The following ZBTB10 variants were observed in gnomAD, a reference collection of about 807,000 sequenced individuals.
ZBTB10 encodes zinc finger and BTB domain-containing protein 10.
A neutral mutation model predicts 76.4 loss-of-function variants in ZBTB10; 32 were observed. That is an observed-to-expected ratio of 0.42 (90% CI 0.32 to 0.56). The LOEUF is 0.56. Among genes scored for constraint, ZBTB10 ranks in the 20% least tolerant of loss-of-function variants. The pLI is 0.14. For missense variants in ZBTB10, 1,057 were observed against 1,098.5 expected, an observed-to-expected ratio of 0.96 and a Z score of 0.53; for synonymous variants, 523 against 432.9, an observed-to-expected ratio of 1.21 and a Z score of -2.58.
chr8:80,504,528 T>C (rs1474549020), intron 2 of ZBTB10, among the ~76,000 whole-genome samples: 1 of 152,154 alleles, frequency 6.6e-6, no homozygotes, highest in African/African-American at 2.4e-5. Context: ...AATTAACATA[T>C]TTGTTGTTTG....
chr8:80,506,961 T>C lies in ZBTB10; in HGVS notation c.1861+6579T>C, dbSNP rs1156906080. ...GTTCTAATAATTAGGGGGAGGGTGC[T>C]GAAGGCCAGATGCTTACTTATGTAT... On this transcript the variant is annotated intron_variant, in intron 2 of 5. Coordinates refer to ENST00000455036, the MANE Select transcript of ZBTB10 (RefSeq NM_001105539.3). 2.6e-5 allele frequency among the ~76,000 whole-genome samples: 4 copies of C among 152,124 alleles called. No homozygotes were observed. The South Asian group carries it at 6.2e-4, about 24-fold the overall frequency.
chr8:80,486,082 G>T, upstream of ZBTB10: 1 of 885,800 alleles, frequency 1.1e-6, no homozygotes, highest in African/African-American at 2.2e-5. Flanking sequence ...GCGCAGCCCA[G>T]CCCCTTTCCC....
chr8:80,487,901 A>G, intron 1 of ZBTB10, 119 bp downstream of exon 1: 3 of 1,195,032 alleles, frequency 2.5e-6, no homozygotes, highest in Middle Eastern at 2.8e-4. Context: ...GGGTGAAGAC[A>G]TCGTTCCAGT....
intron 3 of ZBTB10, among the ~76,000 whole-genome samples, chr8:80,516,960 T>C (rs1816338788): frequency 6.6e-6 from 1 of 152,204 alleles, no homozygotes. Context: ...AGGAGTGTTT[T>C]AGGCAGAGGA....
In ZBTB10 at chr8:80,486,297, T is replaced by C; in HGVS notation, c.-514T>C. Reference sequence around the variant, plus strand: ...CGCCGGCTTTATTGTCGCTTCGTTATGTGGCGGAGCCGAGCAGTTTAGCGT... The same window carrying C: ...CGCCGGCTTTATTGTCGCTTCGTTACGTGGCGGAGCCGAGCAGTTTAGCGT... On this transcript the variant is annotated 5_prime_UTR_variant, in exon 1 of 6. The change abolishes an upstream ATG in the 5' untranslated region. Transcript: ENST00000455036. 1 of 1,011,790 alleles carries C rather than the reference T, an allele frequency of 9.9e-7. No homozygotes were observed. The highest frequency in any genetic ancestry group is 1.2e-6 in the Non-Finnish European group (1 of 848,310). The allele number at this position is 1,011,790 out of a possible 1,614,324, so 62.7% of individuals were successfully genotyped here.
chr8:80,512,319 A>G (rs539498711), intron 2 of ZBTB10, among the ~76,000 whole-genome samples: 2 of 152,336 alleles, frequency 1.3e-5, no homozygotes, highest in African/African-American at 4.8e-5. Context: ...CTGTATCACA[A>G]GACTCCTTAG....
rs1816478997 is a variant in ZBTB10 at position 80,522,960 on chromosome 8, T to G, written c.*3432T>G. 1 of 151,936 alleles carries G rather than the reference T, an allele frequency of 6.6e-6. No individual in the cohort carries two copies. Among genetic ancestry groups the G allele is most frequent in the South Asian group, 2.1e-4 (1 of 4,826 alleles). 9.4% of individuals were successfully genotyped at this position (151,936 alleles called of 1,614,324 possible). A position where few individuals can be genotyped will look rare whatever the true frequency, so the allele number is the denominator to read the frequency against. On this transcript the variant is annotated 3_prime_UTR_variant, in exon 6 of 6. Coordinates refer to ENST00000455036, the MANE Select transcript of ZBTB10 (RefSeq NM_001105539.3). Reference sequence around the variant, plus strand: ...AAAACTTTAGTAAGCTTTATTTATATTTTTTAGGATTTTCTGAACATAGCA... The same window carrying G: ...AAAACTTTAGTAAGCTTTATTTATAGTTTTTAGGATTTTCTGAACATAGCA...
chr8:80,513,370 T>TG (rs1816246899), intron 2 of ZBTB10, among the ~76,000 whole-genome samples: 1 of 152,180 alleles, frequency 6.6e-6, no homozygotes, highest in South Asian at 2.1e-4. Context: ...CTCAAACTCC[T>TG]GGCCTCAAGT....
chr8:80,487,803 A>G (rs776592725), intron 1 of ZBTB10, 21 bp downstream of exon 1: 2 of 1,527,550 alleles, frequency 1.3e-6, no homozygotes, highest in South Asian at 2.6e-5. Context: ...TCCTGCTCCT[A>G]CTTTTTTGAG....
chr8:80,513,022 T>A (rs1251196648), intron 2 of ZBTB10, among the ~76,000 whole-genome samples: 1 of 152,182 alleles, frequency 6.6e-6, no homozygotes, highest in Non-Finnish European at 1.5e-5. Flanking sequence ...AAAAGTCTTT[T>A]ATATATTTTT....
Position 80,513,892 on chromosome 8 carries a change from T to C in ZBTB10, c.1862-18T>C, listed in dbSNP as rs1399715874. On this transcript the variant is annotated intron_variant, in intron 2 of 5. Coordinates refer to ENST00000455036, the MANE Select transcript of ZBTB10 (RefSeq NM_001105539.3). ...ATGGTGTGGTTTGTAGATAAATTTTTCTATGTTTCCTTTTCAGATTTAGAT... is the reference window on the plus strand; with the variant it reads ...ATGGTGTGGTTTGTAGATAAATTTTCCTATGTTTCCTTTTCAGATTTAGAT... 3 of 1,609,424 alleles carry C rather than the reference T, an allele frequency of 1.9e-6. No homozygotes were observed. Among genetic ancestry groups the C allele is most frequent in the African/African-American group, 2.7e-5 (2 of 74,824 alleles).
rs188029472 is a variant in ZBTB10, at chr8:80,515,534, C to A, written c.1960+1526C>A. Among the ~76,000 whole-genome samples the A allele has an allele frequency of 1.2e-3, 187 of 152,198 alleles. 1 individual carries two copies. Among genetic ancestry groups the A allele is most frequent in the African/African-American group, 4.1e-3 (170 of 41,510 alleles). On this transcript the variant is annotated intron_variant, in intron 3 of 5. Transcript: ENST00000455036. ...CTTGAATTTTAAAGATTTTTTTGCT[C>A]GTACAGAAAGTTGCTAACCGCGCAA...
At chr8:80,501,015 T>C (rs1437541206) in intron 2 of ZBTB10, among the ~76,000 whole-genome samples, 5 of 152,240 alleles carry the variant, frequency 3.3e-5, no homozygotes, top group Admixed American at 2.0e-4. Context: ...TGCAGGTGCG[T>C]GCCACCACAC....
rs1009394257 is a variant in ZBTB10, at chr8:80,486,759, C to G, written c.-52C>G. The G allele has an allele frequency of 3.6e-4, 459 of 1,265,208 alleles. 2 individuals carry two copies. Among genetic ancestry groups the G allele is most frequent in the Non-Finnish European group, 1.6e-5 (16 of 1,004,004 alleles). The allele number at this position is 1,265,208 out of a possible 1,614,324, so 78.4% of individuals were successfully genotyped here. A position where few individuals can be genotyped will look rare whatever the true frequency, so the allele number is the denominator to read the frequency against. ...CGCGGGGAGCGCGCGGGACGCGGCC[C>G]GAGGCCGTGCGCGAGCCGGGGCACC... On this transcript the variant is annotated 5_prime_UTR_variant, in exon 1 of 6. Transcript: ENST00000455036.
At chr8:80,513,053 G>A (rs1816234906) in intron 2 of ZBTB10, among the ~76,000 whole-genome samples, 1 of 151,992 alleles carries the variant, frequency 6.6e-6, no homozygotes, top group Non-Finnish European at 1.5e-5. Context: ...TAAATGTTAG[G>A]ATTATTCAGT....
At chr8:80,495,436 G>A (rs781722095) in intron 1 of ZBTB10, among the ~76,000 whole-genome samples, 9 of 147,400 alleles carry the variant, frequency 6.1e-5, no homozygotes, top group Non-Finnish European at 8.9e-5. Flanking sequence ...TTTAAATGCC[G>A]TCGCATTTAC....
chr8:80,514,405 C>T (rs1816277006), intron 3 of ZBTB10, among the ~76,000 whole-genome samples: 1 of 152,098 alleles, frequency 6.6e-6, no homozygotes, highest in African/African-American at 2.4e-5. Flanking sequence ...GTGATGTCAG[C>T]AGTGCATTGG....
chr8:80,485,637 G>C (rs892929010), upstream of ZBTB10: 21 of 592,634 alleles, frequency 3.5e-5, no homozygotes, highest in Non-Finnish European at 5.7e-5. Flanking sequence ...TACTGTCCGG[G>C]GCCCGAGGTG....
intron 1 of ZBTB10, among the ~76,000 whole-genome samples, chr8:80,492,391 C>A (rs923749618): frequency 2.6e-5 from 4 of 152,050 alleles, no homozygotes; most frequent in Non-Finnish European, 5.9e-5. Flanking sequence ...TCTCTGCCCT[C>A]AAGGAACTTG....
Sources: allele counts gnomAD v4.1 joint callset (sites outside exome capture counted in the v4.1 genomes callset), GRCh38; gene constraint gnomAD v4.1.1; transcripts MANE v1.5; gene names NCBI Gene and HGNC (gene_info 2026-07-23, HGNC 2026-07-21).